MIX23: variants seen among roughly 807,000 people sequenced by gnomAD.
The protein encoded by MIX23 is protein MIX23.
MIX23 carries 13 observed loss-of-function variants against 21.6 expected under a neutral mutation model. That is an observed-to-expected ratio of 0.60 (90% CI 0.39 to 0.96). MIX23 has a LOEUF of 0.96. Among genes scored for constraint, MIX23 ranks in the 40% least tolerant of loss-of-function variants. MIX23 has a pLI of 0.00. For synonymous variants in MIX23, 59 were observed against 58.0 expected, an observed-to-expected ratio of 1.02 and a Z score of -0.08; for missense variants, 144 against 171.2, an observed-to-expected ratio of 0.84 and a Z score of 0.89.
At chr3:122,376,143 G>A (rs1437946845) in intron 1 of MIX23, among the ~76,000 whole-genome samples, 3 of 126,452 alleles carry the variant, frequency 2.4e-5, no homozygotes, top group Non-Finnish European at 4.7e-5. Flanking sequence ...AGCCTGCCTG[G>A]GCAGCAGAGA....
At chr3:122,363,209 A>G (rs1004163697) in intron 3 of MIX23, among the ~76,000 whole-genome samples, 182 bp from the exon 4 acceptor site, 5 of 152,162 alleles carry the variant, frequency 3.3e-5, no homozygotes, top group Non-Finnish European at 5.9e-5. Flanking sequence ...AGCTTTCCCC[A>G]TATCTAATCA....
chr3:122,379,931 G>T (rs1382065568), intron 1 of MIX23, among the ~76,000 whole-genome samples: 1 of 152,094 alleles, frequency 6.6e-6, no homozygotes, highest in Non-Finnish European at 1.5e-5. Flanking sequence ...TGCATTTTAT[G>T]TCTTCTCTGT....
In MIX23 at chr3:122,374,122, A is replaced by ATT. The variant is rs1300831366; in HGVS notation, c.52-2323_52-2322insAA. On this transcript the variant is annotated intron_variant, in intron 1 of 4. Transcript: ENST00000291458. ...GGCCTATTTTTTTTTTTTTTTTTAA[A>ATT]AAAAAAGCCTCTTTAAATTCTCTTT... 1.1e-3 allele frequency among the ~76,000 whole-genome samples: 116 copies of ATT among 109,606 alleles called. No individual in the cohort carries two copies. In the East Asian group the frequency reaches 0.014, roughly 13 times the overall value. 71.9% of individuals were successfully genotyped at this position (109,606 alleles called of 152,430 possible). A position where few individuals can be genotyped will look rare whatever the true frequency, so the allele number is the denominator to read the frequency against.
intron 1 of MIX23, among the ~76,000 whole-genome samples, chr3:122,382,589 T>C (rs561549163): frequency 1.3e-5 from 2 of 152,306 alleles, no homozygotes; most frequent in South Asian, 4.1e-4. Flanking sequence ...TATTCTTGCA[T>C]TCAGGTGTTA....
chr3:122,379,164 C>T (rs2075510898), intron 1 of MIX23, among the ~76,000 whole-genome samples: 1 of 152,094 alleles, frequency 6.6e-6, no homozygotes, highest in Non-Finnish European at 1.5e-5. Flanking sequence ...GGGAAGGAAA[C>T]ATTGTAGCGA....
intron 4 of MIX23, 104 bp from the exon 5 acceptor site, chr3:122,360,023 G>T: frequency 1.8e-6 from 2 of 1,134,540 alleles, no homozygotes; most frequent in Non-Finnish European, 2.6e-6. Flanking sequence ...TACCATTTTT[G>T]TCCTAAGTCA....
intron 1 of MIX23, among the ~76,000 whole-genome samples, chr3:122,376,166 C>CAAAAAAA (rs1158747986): frequency 1.4e-4 from 9 of 64,460 alleles, no homozygotes; most frequent in African/African-American, 1.3e-4. Context: ...GACTCCGTCT[C>CAAAAAAA]AAAAAAAAAA....
chr3:122,379,357 T>C (rs887778119), intron 1 of MIX23, among the ~76,000 whole-genome samples: 2 of 152,124 alleles, frequency 1.3e-5, no homozygotes, highest in African/African-American at 4.8e-5. Flanking sequence ...TCTTTCAAAA[T>C]TGAAAAGGGA....
At chr3:122,370,494 T>C (rs1481089933) in intron 2 of MIX23, among the ~76,000 whole-genome samples, 2 of 145,140 alleles carry the variant, frequency 1.4e-5, no homozygotes, top group Non-Finnish European at 3.0e-5. Flanking sequence ...GAGGCAGAGG[T>C]TATGTGACAT....
Position 122,359,642 on chromosome 3 carries a change from T to C in MIX23, c.*227A>G, listed in dbSNP as rs2075342266. On this transcript the variant is annotated 3_prime_UTR_variant, in exon 5 of 5. Transcript: ENST00000291458. ...TAGTTACAAAAATTTTTTTTTTTTTTTTTTACAGAATCAGTATAAAATAGC... is the reference window on the plus strand; with the variant it reads ...TAGTTACAAAAATTTTTTTTTTTTTCTTTTACAGAATCAGTATAAAATAGC... The C allele has an allele frequency of 6.0e-6, 2 of 331,756 alleles. No homozygotes were observed. The highest frequency in any genetic ancestry group is 1.1e-5 in the Non-Finnish European group (2 of 188,310). The allele number at this position is 331,756 out of a possible 1,614,324, so 20.6% of individuals were successfully genotyped here.
chr3:122,362,932 T>C, intron 4 of MIX23, 36 bp downstream of exon 4: 3 of 1,581,690 alleles, frequency 1.9e-6, no homozygotes, highest in Non-Finnish European at 2.6e-6. Context: ...TCAGTTTCCC[T>C]CCTACTTCTT....
chr3:122,372,439 C>T (rs1235221308), intron 1 of MIX23, among the ~76,000 whole-genome samples: 1 of 118,414 alleles, frequency 8.4e-6, no homozygotes, highest in African/African-American at 2.7e-5. Flanking sequence ...GTATATCTTT[C>T]TCTTTCTTTT....
intron 4 of MIX23, 119 bp from the exon 5 acceptor site, chr3:122,360,038 AT>A: frequency 2.0e-6 from 2 of 1,008,072 alleles, no homozygotes; most frequent in Non-Finnish European, 3.0e-6. Context: ...AAGTCAACAG[AT>A]TTAGGAAACA....
At chr3:122,363,480 T>A (rs2075374747) in intron 3 of MIX23, among the ~76,000 whole-genome samples, 1 of 151,756 alleles carries the variant, frequency 6.6e-6, no homozygotes, top group Admixed American at 6.6e-5. Context: ...TGTTACAAAA[T>A]CTATGGAGGG....
chr3:122,371,641 T>A (rs375667669), intron 2 of MIX23, 34 bp downstream of exon 2: 6 of 1,609,126 alleles, frequency 3.7e-6, no homozygotes, highest in Non-Finnish European at 5.1e-6. Flanking sequence ...AAGAAAGGCA[T>A]GAAAGAAGCA....
intron 4 of MIX23, among the ~76,000 whole-genome samples, chr3:122,362,173 CTA>C (rs2075362878): frequency 6.6e-6 from 1 of 152,086 alleles, no homozygotes; most frequent in Non-Finnish European, 1.5e-5. Flanking sequence ...GCTTGTAAAT[CTA>C]TGAGCAATAA....
chr3:122,374,869 C>T (rs1385498912), intron 1 of MIX23, among the ~76,000 whole-genome samples: 4 of 152,194 alleles, frequency 2.6e-5, no homozygotes, highest in African/African-American at 9.7e-5. Flanking sequence ...TGAAGAGTGA[C>T]TGAGTGGTGC....
intron 3 of MIX23, chr3:122,366,606 C>T (rs994231396): frequency 2.0e-5 from 3 of 152,138 alleles, no homozygotes; most frequent in Non-Finnish European, 4.4e-5. Flanking sequence ...TGACTCAATC[C>T]CACAAGGATC....
chr3:122,359,626 AAAT>A lies in MIX23; in HGVS notation c.*240_*242del. The stretch of plus-strand genomic sequence containing the variant: ...CAGAAAATTATTTTAATAGTTACAA[AAAT>A]TTTTTTTTTTTTTTTTTACAGAATC... On this transcript the variant is annotated 3_prime_UTR_variant, in exon 5 of 5. Coordinates refer to ENST00000291458, the MANE Select transcript of MIX23 (RefSeq NM_001017928.4). The A allele has an allele frequency of 3.8e-6, 1 of 260,644 alleles. No individual in the cohort carries two copies. The highest frequency in any genetic ancestry group is 6.9e-6 in the Non-Finnish European group (1 of 144,334). 16.1% of individuals were successfully genotyped at this position (260,644 alleles called of 1,614,324 possible).
Sources: allele counts gnomAD v4.1 joint callset (sites outside exome capture counted in the v4.1 genomes callset), GRCh38; gene constraint gnomAD v4.1.1; transcripts MANE v1.5; gene names NCBI Gene and HGNC (gene_info 2026-07-23, HGNC 2026-07-21).